The following DDX31 variants were observed in gnomAD, a reference collection of about 807,000 sequenced individuals.
The protein encoded by DDX31 is DEAD-box helicase 31.
A neutral mutation model predicts 91.3 loss-of-function variants in DDX31; 70 were observed. That is an observed-to-expected ratio of 0.77 (90% CI 0.63 to 0.94). The LOEUF (loss-of-function observed/expected upper bound fraction) is 0.94, where lower values mean the gene tolerates loss of function less well. Among genes scored for constraint, DDX31 ranks in the 40% least tolerant of loss-of-function variants. The pLI, the probability that DDX31 is intolerant of heterozygous loss-of-function variation, is 0.00. For missense variants in DDX31, 902 were observed against 925.0 expected, an observed-to-expected ratio of 0.98 and a Z score of 0.32; for synonymous variants, 362 against 350.6, an observed-to-expected ratio of 1.03 and a Z score of -0.36.
intron 19 of DDX31, among the ~76,000 whole-genome samples, chr9:132,606,464 T>C (rs1437398249): frequency 6.6e-6 from 1 of 152,194 alleles, no homozygotes; most frequent in Non-Finnish European, 1.5e-5. Context: ...GAAGTTCACT[T>C]TTCGTACTCT....
In DDX31 at chr9:132,646,825, T is replaced by C; in HGVS notation, c.1201A>G (p.Lys401Glu). The change falls in exon 12 of 20, where the codon AAG becomes GAG. Residue 401 changes from lysine (K) to glutamate (E), a missense_variant and splice_region_variant. Physicochemically the swap from Lys to Glu is moderately conservative, Grantham distance 56 (BLOSUM62 1). Coordinates refer to ENST00000372159, the MANE Select transcript of DDX31 (RefSeq NM_022779.9). ...CLAAFILQKCKFEEDQKMVVF... is the reference protein window; with the variant it reads ...CLAAFILQKCEFEEDQKMVVF... ...TCGGCTCTAGCCCACAGTCCCACCT[T>C]GCATTTCTGAAGGATGAAGGCCGCT... is the stretch of plus-strand genomic sequence containing the variant. The C allele has an allele frequency of 6.2e-7, 1 of 1,613,820 alleles. No homozygotes were observed. Among genetic ancestry groups the C allele is most frequent in the African/African-American group, 1.3e-5 (1 of 75,054 alleles).
Position 132,635,571 on chromosome 9 carries a change from A to G in DDX31, c.1441-3480T>C, listed in dbSNP as rs139084080. On this transcript the variant is annotated intron_variant, in intron 14 of 19. Transcript: ENST00000372159. ...GCCCGCCTCGGCCTCCCAAAGTGCTAGGATTACAGGTGTGAGCCACCGTGC... is the reference window on the plus strand; with the variant it reads ...GCCCGCCTCGGCCTCCCAAAGTGCTGGGATTACAGGTGTGAGCCACCGTGC... 5.2e-4 allele frequency among the ~76,000 whole-genome samples: 76 copies of G among 146,566 alleles called. 1 individual carries two copies. The East Asian group carries it at 0.015, about 29-fold the overall frequency.
intron 19 of DDX31, among the ~76,000 whole-genome samples, chr9:132,608,504 A>G (rs1220819725): frequency 6.6e-6 from 1 of 152,104 alleles, no homozygotes; most frequent in Admixed American, 6.6e-5. Context: ...CAGCCTCCTC[A>G]CTAACCTGCT....
chr9:132,597,141 G>C (rs544970469), intron 19 of DDX31, among the ~76,000 whole-genome samples: 1 of 152,202 alleles, frequency 6.6e-6, no homozygotes, highest in Admixed American at 6.5e-5. Flanking sequence ...CTGGTGCTAC[G>C]GCCCCTGACA....
intron 16 of DDX31, 90 bp downstream of exon 16, chr9:132,630,174 C>A: frequency 1.4e-6 from 2 of 1,410,196 alleles, no homozygotes; most frequent in Admixed American, 2.3e-5. Flanking sequence ...AATGGCTCTT[C>A]GTCAGCTTAC....
At chr9:132,626,992 C>T (rs1012386224) in intron 16 of DDX31, among the ~76,000 whole-genome samples, 1 of 152,080 alleles carries the variant, frequency 6.6e-6, no homozygotes, top group African/African-American at 2.4e-5. Context: ...GAGAGCAATG[C>T]ATGGGTATTG....
At chr9:132,615,309 C>A (rs1831567105) in intron 18 of DDX31, among the ~76,000 whole-genome samples, 1 of 152,126 alleles carries the variant, frequency 6.6e-6, no homozygotes, top group Non-Finnish European at 1.5e-5. Context: ...AATAAACAAA[C>A]CTCCAGCCTG....
At chr9:132,606,048 G>T (rs961627062) in intron 19 of DDX31, among the ~76,000 whole-genome samples, 7 of 152,168 alleles carry the variant, frequency 4.6e-5, no homozygotes, top group Admixed American at 4.6e-4. Context: ...ATTTAAGGAG[G>T]CCGGAGGGAT....
At chr9:132,632,284 A>ACACAGTCCTG (rs1832832803) in intron 14 of DDX31, among the ~76,000 whole-genome samples, 193 bp from the exon 15 acceptor site, 1 of 131,630 alleles carries the variant, frequency 7.6e-6, no homozygotes, top group Non-Finnish European at 1.6e-5. Context: ...ACACACACAC[A>ACACAGTCCTG]CACACACACA....
intron 19 of DDX31, among the ~76,000 whole-genome samples, chr9:132,606,082 A>G (rs1180037541): frequency 1.3e-5 from 2 of 152,182 alleles, no homozygotes; most frequent in Non-Finnish European, 2.9e-5. Flanking sequence ...TGCGGCTGAG[A>G]TGGAGTAGAT....
In DDX31 at chr9:132,645,970, C is replaced by T. The variant is rs1294267536; in HGVS notation, c.1305G>A (p.Ala435=). Residue 435 remains alanine (A), a synonymous_variant, in exon 13 of 20, where the codon GCG becomes GCA. Transcript: ENST00000372159. ...CAGATGGCAACTGCCCTGATGCCGG[C>T]GCCCCTGAGCTGCTCAGCAGGGTCT... is the stretch of plus-strand genomic sequence containing the variant. ...FLQTLLSSSG[A]PASGQLPSAS... 8.1e-6 allele frequency: 13 copies of T among 1,613,874 alleles called. No homozygotes were observed. In the East Asian group the frequency reaches 1.1e-4, roughly 14 times the overall value.
At chr9:132,617,828 CCTCT>C (rs887855097) in intron 18 of DDX31, among the ~76,000 whole-genome samples, 2 of 151,894 alleles carry the variant, frequency 1.3e-5, no homozygotes, top group African/African-American at 2.4e-5. Context: ...TAAGTCAACA[CCTCT>C]CTCTTTCATA....
intron 3 of DDX31, 39 bp from the exon 4 acceptor site, chr9:132,661,290 A>G: frequency 6.9e-7 from 1 of 1,445,382 alleles, no homozygotes; most frequent in Non-Finnish European, 9.6e-7. Context: ...TAATATTTTG[A>G]TACAAAATAT....
intron 19 of DDX31, among the ~76,000 whole-genome samples, chr9:132,605,347 G>A (rs1230707434): frequency 6.6e-6 from 1 of 152,142 alleles, no homozygotes; most frequent in Non-Finnish European, 1.5e-5. Context: ...AAAGCTTTCT[G>A]AGCACCAGCA....
intron 9 of DDX31, among the ~76,000 whole-genome samples, chr9:132,649,972 A>G (rs1432664520): frequency 1.3e-5 from 2 of 152,228 alleles, no homozygotes; most frequent in Non-Finnish European, 2.9e-5. Context: ...GCTATAGAGC[A>G]TTGGGTAGGT....
chr9:132,594,898 G>GGT lies in DDX31; in HGVS notation c.2208_2209insAC (p.Gln737ThrfsTer42). On this transcript the variant is annotated frameshift_variant, in exon 20 of 20. Coordinates refer to ENST00000372159, the MANE Select transcript of DDX31 (RefSeq NM_022779.9). LOFTEE classifies it low-confidence loss of function (END_TRUNC). The stretch of plus-strand genomic sequence containing the variant: ...TTCTGGGAAGTCTTGCTGTCCCGCT[G>GGT]TACACCTTTTTGGGTTTTTCTCCAT... 11 of 1,613,970 alleles carry GGT rather than the reference G, an allele frequency of 6.8e-6. No homozygotes were observed. The highest frequency in any genetic ancestry group is 8.5e-6 in the Non-Finnish European group (10 of 1,180,034).
intron 9 of DDX31, among the ~76,000 whole-genome samples, chr9:132,648,957 T>C (rs1282993121): frequency 6.6e-6 from 1 of 152,198 alleles, no homozygotes; most frequent in Non-Finnish European, 1.5e-5. Flanking sequence ...GCTAGGACAC[T>C]TTTTTCTTAT....
chr9:132,627,761 G>A (rs374712887), intron 16 of DDX31, among the ~76,000 whole-genome samples: 3 of 152,158 alleles, frequency 2.0e-5, no homozygotes, highest in Non-Finnish European at 4.4e-5. Context: ...GGCGAGCACC[G>A]CAGTGCTCGA....
At chr9:132,628,962 C>T (rs1832560554) in intron 16 of DDX31, among the ~76,000 whole-genome samples, 1 of 152,244 alleles carries the variant, frequency 6.6e-6, no homozygotes, top group Non-Finnish European at 1.5e-5. Flanking sequence ...AGAACAGGGT[C>T]AGGGAGGAAA....
Sources: allele counts gnomAD v4.1 joint callset (sites outside exome capture counted in the v4.1 genomes callset), GRCh38; gene constraint gnomAD v4.1.1; transcripts MANE v1.5; gene names NCBI Gene and HGNC (gene_info 2026-07-23, HGNC 2026-07-21).